ACVR1B: variants seen among roughly 807,000 people sequenced by gnomAD.
ACVR1B encodes the protein activin receptor type-1B.
A neutral mutation model predicts 55.6 loss-of-function variants in ACVR1B; 15 were observed. The observed-to-expected ratio is 0.27, with a 90% CI of 0.18 to 0.42. The LOEUF (loss-of-function observed/expected upper bound fraction) is 0.42. Ranked by LOEUF, ACVR1B falls within the 10% of genes least tolerant of loss-of-function variation. ACVR1B has a pLI of 1.00. For missense variants in ACVR1B, 359 were observed against 670.1 expected (o/e 0.54, Z 5.13); for synonymous variants, 247 against 254.6 (o/e 0.97, Z 0.28).
rs1942257306 is a variant in ACVR1B at position 51,994,309 on chromosome 12, T to G, written c.*199T>G. ...GAGACAGACACCTTTTCTATTTACC[T>G]CCTAATGGCATGGAGACTCTGAGAG... is the stretch of plus-strand genomic sequence containing the variant. On this transcript the variant is annotated 3_prime_UTR_variant, in exon 9 of 9. Coordinates refer to ENST00000257963, the MANE Select transcript of ACVR1B (RefSeq NM_004302.5). This position sits in a 1 kb window ranked among gnomAD's most constrained non-coding sequence, Gnocchi z 4.2. 1.6e-6 allele frequency: 1 copy of G among 616,174 alleles called. No individual in the cohort carries two copies. The highest frequency in any genetic ancestry group is 1.9e-5 in the African/African-American group (1 of 53,282). 38.2% of individuals were successfully genotyped at this position (616,174 alleles called of 1,614,324 possible).
At chr12:51,985,887 G>A (rs966708687) in intron 6 of ACVR1B, among the ~76,000 whole-genome samples, 2 of 152,086 alleles carry the variant, frequency 1.3e-5, no homozygotes, top group Admixed American at 6.5e-5. Context: ...GTTGGAAATG[G>A]GACTGCCTTT....
In ACVR1B at chr12:51,985,186, TGCCAGGG is replaced by T; in HGVS notation, c.980-5_981del. The T allele has an allele frequency of 1.9e-6, 3 of 1,604,478 alleles. No homozygotes were observed. The highest frequency in any genetic ancestry group is 3.5e-5 in the Admixed American group (2 of 57,906). On this transcript the variant is annotated splice_acceptor_variant and splice_polypyrimidine_tract_variant and coding_sequence_variant and intron_variant, in exon 6 of 9. Transcript: ENST00000257963. LOFTEE classifies it high-confidence loss of function. Reference sequence around the variant, plus strand: ...TTGTAAAGATCCCTGTTTTTTTCTCTGCCAGGGAAGCCTGGAATTGCTCATCGAGACT... The same window carrying T: ...TTGTAAAGATCCCTGTTTTTTTCTCTAAGCCTGGAATTGCTCATCGAGACT...
In ACVR1B at chr12:51,985,175, G is replaced by T. The variant is rs1050017248; in HGVS notation, c.980-17G>T. Reference sequence around the variant, plus strand: ...ATATCATCTCTTTGTAAAGATCCCTGTTTTTTTCTCTGCCAGGGAAGCCTG... The same window carrying T: ...ATATCATCTCTTTGTAAAGATCCCTTTTTTTTTCTCTGCCAGGGAAGCCTG... On this transcript the variant is annotated splice_polypyrimidine_tract_variant and intron_variant, in intron 5 of 8. Transcript: ENST00000257963. 3 of 1,600,692 alleles carry T rather than the reference G, an allele frequency of 1.9e-6. No individual in the cohort carries two copies. The African/African-American group carries it at 4.0e-5, about 22-fold the overall frequency.
chr12:51,985,398 C>T (rs1942056875), intron 6 of ACVR1B, 50 bp downstream of exon 6: 2 of 1,549,592 alleles, frequency 1.3e-6, no homozygotes, highest in Non-Finnish European at 1.7e-6. Context: ...TACTGAGTAT[C>T]CCATCTGTGC....
At chr12:51,963,581 G>A (rs536896209) in intron 1 of ACVR1B, among the ~76,000 whole-genome samples, 1 of 152,180 alleles carries the variant, frequency 6.6e-6, no homozygotes, top group Non-Finnish European at 1.5e-5. Context: ...CTTCTTTCAT[G>A]TAATATAATG....
Position 51,964,859 on chromosome 12 carries a change from C to CT in ACVR1B, c.92-10403dup, listed in dbSNP as rs768213382. On this transcript the variant is annotated intron_variant, in intron 1 of 8. Transcript: ENST00000257963. ...GCACCATTCTGTTTGATAACTGTAGCTTTGTTGTAAGCTTAAATCAAGAAG... is the reference window on the plus strand; with the variant it reads ...GCACCATTCTGTTTGATAACTGTAGCTTTTGTTGTAAGCTTAAATCAAGAAG... Among the ~76,000 whole-genome samples the CT allele has an allele frequency of 9.2e-5, 14 of 152,008 alleles. No individual in the cohort carries two copies. In the East Asian group the frequency reaches 2.5e-3, roughly 27 times the overall value.
intron 3 of ACVR1B, among the ~76,000 whole-genome samples, chr12:51,980,338 G>GAT (rs1425899787): frequency 6.6e-6 from 1 of 152,186 alleles, no homozygotes; most frequent in Non-Finnish European, 1.5e-5. Context: ...AGGGTGATTG[G>GAT]ATATATAGAG....
rs140145955 is a variant in ACVR1B, at chr12:51,994,727, AGTGTGT to A, written c.*626_*631del. On this transcript the variant is annotated 3_prime_UTR_variant, in exon 9 of 9. Transcript: ENST00000257963. This position sits in a 1 kb window ranked among gnomAD's most constrained non-coding sequence, Gnocchi z 4.2. ...TGCCATGCCCTTACACGTGCGTGTG[AGTGTGT>A]GTGTGTGTCTGTAGGTGCGCACTTA... 1.3e-5 allele frequency: 2 copies of A among 152,938 alleles called. No homozygotes were observed. Among genetic ancestry groups the A allele is most frequent in the African/African-American group, 2.4e-5 (1 of 41,334 alleles). The allele number at this position is 152,938 out of a possible 1,614,324, so 9.5% of individuals were successfully genotyped here. A position where few individuals can be genotyped will look rare whatever the true frequency, so the allele number is the denominator to read the frequency against.
intron 7 of ACVR1B, among the ~76,000 whole-genome samples, chr12:51,989,606 T>C (rs765864124): frequency 1.1e-4 from 16 of 152,156 alleles, no homozygotes; most frequent in Admixed American, 2.6e-4. Flanking sequence ...TTTAAAACTA[T>C]CTTTTTATTA....
At chr12:51,988,388 A>C (rs867439386) in intron 7 of ACVR1B, among the ~76,000 whole-genome samples, 2 of 152,174 alleles carry the variant, frequency 1.3e-5, no homozygotes, top group South Asian at 4.1e-4. Context: ...AGAACGCTTG[A>C]ACCCTGGAGG....
At chr12:51,972,802 T>C (rs971504609) in intron 1 of ACVR1B, among the ~76,000 whole-genome samples, 1 of 152,170 alleles carries the variant, frequency 6.6e-6, no homozygotes, top group African/African-American at 2.4e-5. Context: ...CTGTAAAATA[T>C]GTAATTAGAC....
At chr12:51,952,936 GT>G (rs751841813) in intron 1 of ACVR1B, among the ~76,000 whole-genome samples, 18 of 152,020 alleles carry the variant, frequency 1.2e-4, no homozygotes, top group Non-Finnish European at 2.2e-4. Flanking sequence ...CGCTGGCTGT[GT>G]TGTTTTTGAG....
At chr12:51,987,027 T>C (rs762809421) in intron 7 of ACVR1B, 85 bp downstream of exon 7, 8 of 1,582,282 alleles carry the variant, frequency 5.1e-6, no homozygotes, top group South Asian at 4.4e-5. Context: ...CCTTTCTTTT[T>C]ACAACCTGTT....
At chr12:51,952,457 T>G (rs1651780458) in intron 1 of ACVR1B, among the ~76,000 whole-genome samples, 1 of 152,138 alleles carries the variant, frequency 6.6e-6, no homozygotes, top group Admixed American at 6.5e-5. Flanking sequence ...ATCCCTTGAG[T>G]TCAGTGGGGC....
intron 1 of ACVR1B, among the ~76,000 whole-genome samples, chr12:51,971,707 T>A (rs1324069846): frequency 6.6e-6 from 1 of 152,248 alleles, no homozygotes; most frequent in Non-Finnish European, 1.5e-5. Context: ...AACAGAAGGC[T>A]AGCCAAAATG....
intron 1 of ACVR1B, among the ~76,000 whole-genome samples, chr12:51,968,957 G>T (rs765639677): frequency 6.6e-6 from 1 of 152,112 alleles, no homozygotes; most frequent in South Asian, 2.1e-4. Context: ...TTTCTGGTCC[G>T]AACATTTTGG....
At chr12:51,952,328 A>C (rs570477162) in intron 1 of ACVR1B, among the ~76,000 whole-genome samples, 1 of 152,108 alleles carries the variant, frequency 6.6e-6, no homozygotes, top group East Asian at 1.9e-4. Context: ...CGCACCTCAG[A>C]CTGTAGGGGA....
intron 4 of ACVR1B, among the ~76,000 whole-genome samples, chr12:51,982,052 C>T (rs1382631912): frequency 2.6e-5 from 4 of 152,156 alleles, no homozygotes; most frequent in Non-Finnish European, 4.4e-5. Context: ...TGCCAGGCAC[C>T]TCCCTATGTT....
At position 51,962,358 on chromosome 12, in the gene ACVR1B, TTTG is replaced by T. The variant is rs760742923; in HGVS notation, c.91+10542_91+10544del. 4.3e-4 allele frequency among the ~76,000 whole-genome samples: 65 copies of T among 152,196 alleles called. 1 individual carries two copies. Among genetic ancestry groups the T allele is most frequent in the East Asian group, 1.4e-3 (7 of 5,184 alleles). ...TTCATAAGTACTTTTTACCAGTACA[TTTG>T]TTGTTGTTGTTGTTGTTTTTCTGTA... On this transcript the variant is annotated intron_variant, in intron 1 of 8. Coordinates refer to ENST00000257963, the MANE Select transcript of ACVR1B (RefSeq NM_004302.5).
Sources: allele counts gnomAD v4.1 joint callset (sites outside exome capture counted in the v4.1 genomes callset), GRCh38; gene constraint gnomAD v4.1.1; non-coding constraint Gnocchi (gnomAD v3.1); transcripts MANE v1.5; gene names NCBI Gene and HGNC (gene_info 2026-07-23, HGNC 2026-07-21).